The following TAFA1 variants were observed in gnomAD, a reference collection of about 807,000 sequenced individuals.
TAFA1 encodes the protein TAFA chemokine like family member 1, also known as chemokine-like protein TAFA-1.
A neutral mutation model predicts 18.5 loss-of-function variants in TAFA1; 4 were observed. The observed-to-expected ratio is 0.22, with a 90% CI of 0.11 to 0.49. The LOEUF (loss-of-function observed/expected upper bound fraction) is 0.49. Among genes scored for constraint, TAFA1 ranks in the 20% least tolerant of loss-of-function variants. The probability of loss-of-function intolerance (pLI) is 0.98; values close to 1 mark genes in which losing one functional copy is unlikely to be tolerated. For synonymous variants in TAFA1, 56 were observed against 55.2 expected (o/e 1.01, Z -0.06); for missense variants, 147 against 169.0 (o/e 0.87, Z 0.72).
chr3:68,073,668 A>T (rs1575602023), intron 2 of TAFA1, among the ~76,000 whole-genome samples: 2 of 151,638 alleles, frequency 1.3e-5, no homozygotes, highest in South Asian at 2.1e-4. Context: ...TATACACAAT[A>T]TTTTTTTTTC....
chr3:68,394,307 C>A (rs1575830276), intron 2 of TAFA1, among the ~76,000 whole-genome samples: 1 of 152,194 alleles, frequency 6.6e-6, no homozygotes, highest in East Asian at 1.9e-4. Context: ...AGAGAGGACA[C>A]AAACAAATGG....
intron 2 of TAFA1, among the ~76,000 whole-genome samples, chr3:68,168,918 A>G (rs989182502): frequency 6.6e-6 from 1 of 152,194 alleles, no homozygotes; most frequent in Non-Finnish European, 1.5e-5. Flanking sequence ...TCTTTCATTT[A>G]TAACACATCA....
chr3:68,268,438 G>T (rs1468331259), intron 2 of TAFA1, among the ~76,000 whole-genome samples: 1 of 152,092 alleles, frequency 6.6e-6, no homozygotes, highest in Non-Finnish European at 1.5e-5. Flanking sequence ...GGGGGAGCCA[G>T]GCAGTTCAAT....
intron 2 of TAFA1, among the ~76,000 whole-genome samples, chr3:68,324,177 A>G (rs72626976): frequency 0.024 from 3,649 of 152,272 alleles, 68 homozygotes; most frequent in East Asian, 0.096. Context: ...TTTTTTTCAT[A>G]AAGCTAAATT....
chr3:68,431,300 G>T (rs2071165918), intron 3 of TAFA1, among the ~76,000 whole-genome samples: 1 of 151,938 alleles, frequency 6.6e-6, no homozygotes, highest in Non-Finnish European at 1.5e-5. Context: ...GAGAAACAAT[G>T]TAATAAAACC....
At chr3:68,288,566 A>C (rs901486252) in intron 2 of TAFA1, among the ~76,000 whole-genome samples, 2 of 152,170 alleles carry the variant, frequency 1.3e-5, no homozygotes, top group African/African-American at 4.8e-5. Context: ...AATGATGTCT[A>C]TCCTCTATTT....
chr3:68,351,691 A>G (rs976529670), intron 2 of TAFA1, among the ~76,000 whole-genome samples: 1 of 152,016 alleles, frequency 6.6e-6, no homozygotes, highest in Admixed American at 6.6e-5. Context: ...AAGGGAGAAG[A>G]CAAATAACTG....
At chr3:68,494,451 G>A (rs2072507583) in intron 3 of TAFA1, among the ~76,000 whole-genome samples, 1 of 152,146 alleles carries the variant, frequency 6.6e-6, no homozygotes, top group African/African-American at 2.4e-5. Flanking sequence ...ATGTTATGCT[G>A]AATATCAAAT....
chr3:68,381,443 C>A (rs926365178), intron 2 of TAFA1, among the ~76,000 whole-genome samples: 13 of 152,036 alleles, frequency 8.6e-5, no homozygotes, highest in African/African-American at 3.1e-4. Context: ...TCTTTTATTT[C>A]ATTGAGCAGT....
chr3:68,178,017 G>A (rs1483040549), intron 2 of TAFA1, among the ~76,000 whole-genome samples: 12 of 152,004 alleles, frequency 7.9e-5, no homozygotes, highest in African/African-American at 1.4e-4. Flanking sequence ...GGTGGTGGGC[G>A]CCTATAGTCC....
At chr3:68,322,594 G>A (rs1277028243) in intron 2 of TAFA1, among the ~76,000 whole-genome samples, 1 of 152,118 alleles carries the variant, frequency 6.6e-6, no homozygotes, top group African/African-American at 2.4e-5. Flanking sequence ...CACTTTGGGA[G>A]GCCAAGGAGG....
intron 2 of TAFA1, among the ~76,000 whole-genome samples, chr3:68,090,944 T>C (rs1392956171): frequency 6.6e-6 from 1 of 152,194 alleles, no homozygotes; most frequent in African/African-American, 2.4e-5. Context: ...TTCAGACACA[T>C]GGGAAAAATA....
upstream of TAFA1, among the ~76,000 whole-genome samples, chr3:67,999,721 A>C (rs1704263670): frequency 2.0e-5 from 3 of 152,122 alleles, no homozygotes; most frequent in South Asian, 6.2e-4. Flanking sequence ...AACGGTGTAC[A>C]GGCCAGTTTC....
At chr3:68,506,531 C>T (rs2072759470) in intron 3 of TAFA1, among the ~76,000 whole-genome samples, 1 of 151,954 alleles carries the variant, frequency 6.6e-6, no homozygotes, top group Admixed American at 6.6e-5. Flanking sequence ...GGTTTGTTAC[C>T]AGGATCTGAA....
chr3:68,221,272 A>G (rs1403942528), intron 2 of TAFA1, among the ~76,000 whole-genome samples: 3 of 152,068 alleles, frequency 2.0e-5, no homozygotes, highest in African/African-American at 4.8e-5. Context: ...CTGGGACCCA[A>G]TTTTGCTCTT....
At chr3:68,079,270 G>A (rs1162627133) in intron 2 of TAFA1, among the ~76,000 whole-genome samples, 2 of 152,196 alleles carry the variant, frequency 1.3e-5, no homozygotes, top group Non-Finnish European at 1.5e-5. Flanking sequence ...CCAGCTCCTG[G>A]ATTCATTGAT....
chr3:67,994,642 C>T, the TAFA1 span, among the ~76,000 whole-genome samples: 2 of 152,208 alleles, frequency 1.3e-5, no homozygotes, highest in Non-Finnish European at 2.9e-5. Flanking sequence ...GTGTCGGCCT[C>T]ATCCTGACAG....
rs1171158092 is a variant in TAFA1 at position 68,370,377 on chromosome 3, TACAC to T, written c.119-46901_119-46898del. ...ATACACACACACACACATATATATA[TACAC>T]ATATATATACACACATATATATACA... On this transcript the variant is annotated intron_variant, in intron 2 of 4. Transcript: ENST00000478136. Among the ~76,000 whole-genome samples, 63 of 78,452 alleles carry T rather than the reference TACAC, an allele frequency of 8.0e-4. 1 individual carries two copies. Among genetic ancestry groups the T allele is most frequent in the East Asian group, 4.2e-3 (9 of 2,126 alleles). 51.5% of individuals were successfully genotyped at this position (78,452 alleles called of 152,430 possible). A position where few individuals can be genotyped will look rare whatever the true frequency, so the allele number is the denominator to read the frequency against.
rs768780001 is a variant in TAFA1 at position 68,006,674 on chromosome 3, T to C, written c.48T>C (p.Ser16=). The C allele has an allele frequency of 1.2e-6, 2 of 1,614,044 alleles. No individual in the cohort carries two copies. The highest frequency in any genetic ancestry group is 8.5e-7 in the Non-Finnish European group (1 of 1,179,886). The change falls in exon 2 of 5, where the codon AGT becomes AGC. Residue 16 remains serine, a synonymous_variant. Transcript: ENST00000478136. ...AMSWVLYLWI[S]ACAMLLCHGS... ...CCTGGGTCCTGTATTTGTGGATAAG[T>C]GCTTGTGCAATGCTACTCTGCCATG...
Sources: allele counts gnomAD v4.1 joint callset (sites outside exome capture counted in the v4.1 genomes callset), GRCh38; gene constraint gnomAD v4.1.1; transcripts MANE v1.5; gene names NCBI Gene and HGNC (gene_info 2026-07-23, HGNC 2026-07-21).